ZMYND12: variants seen among roughly 807,000 people sequenced by gnomAD.
ZMYND12 encodes zinc finger MYND-type containing 12.
A neutral mutation model predicts 41.7 loss-of-function variants in ZMYND12; 32 were observed. That is an observed-to-expected ratio of 0.77 (90% CI 0.58 to 1.03). The LOEUF is 1.03. Among genes scored for constraint, ZMYND12 ranks in the 50% least tolerant of loss-of-function variants. The probability of loss-of-function intolerance (pLI) is 0.00; values close to 1 mark genes in which losing one functional copy is unlikely to be tolerated. For missense variants in ZMYND12, 424 were observed against 438.5 expected (o/e 0.97, Z 0.30); for synonymous variants, 148 against 164.8 (o/e 0.90, Z 0.78).
At chr1:42,442,151 T>C (rs1388368042) in intron 3 of ZMYND12, among the ~76,000 whole-genome samples, 6 of 151,994 alleles carry the variant, frequency 3.9e-5, no homozygotes, top group Non-Finnish European at 7.4e-5. Context: ...ACCAAGGAAC[T>C]TGATGCATGT....
At chr1:42,443,991 T>G (rs1359304803) in intron 3 of ZMYND12, among the ~76,000 whole-genome samples, 1 of 152,118 alleles carries the variant, frequency 6.6e-6, no homozygotes, top group Non-Finnish European at 1.5e-5. Flanking sequence ...GTCTCCCAAG[T>G]AGCTGGGACT....
intron 7 of ZMYND12, among the ~76,000 whole-genome samples, chr1:42,431,267 CCCTTCTTCTCTT>C (rs1289778921): frequency 6.6e-6 from 1 of 152,130 alleles, no homozygotes; most frequent in Non-Finnish European, 1.5e-5. Context: ...CTTTCTTCCT[CCCTTCTTCTCTT>C]CCTTCCTTCC....
chr1:42,442,765 T>A (rs1642984224), intron 3 of ZMYND12, among the ~76,000 whole-genome samples: 2 of 152,060 alleles, frequency 1.3e-5, no homozygotes, highest in South Asian at 2.1e-4. Flanking sequence ...TAACCCTACA[T>A]CACTGAATTA....
chr1:42,445,800 T>C (rs1570353748), intron 3 of ZMYND12, among the ~76,000 whole-genome samples: 1 of 152,100 alleles, frequency 6.6e-6, no homozygotes, highest in South Asian at 2.1e-4. Context: ...CACATTTTTG[T>C]ATGCAAACCA....
chr1:42,435,338 G>A lies in ZMYND12; in HGVS notation c.765C>T (p.Leu255=). ...CCATTTGTTGGATGTGAGCCTGTGA[G>A]AGGACTTGATAGTGATTGTTCAAAT... ...HAYLNNHYQV[L]SQAHIQQMDL... The change falls in exon 6 of 8, where the codon CTC becomes CTT. Residue 255 remains leucine, a synonymous_variant. Coordinates refer to ENST00000372565, the MANE Select transcript of ZMYND12 (RefSeq NM_032257.5). 1 of 1,614,136 alleles carries A rather than the reference G, an allele frequency of 6.2e-7. No individual in the cohort carries two copies. Among genetic ancestry groups the A allele is most frequent in the Non-Finnish European group, 8.5e-7 (1 of 1,179,984 alleles).
intron 5 of ZMYND12, 72 bp from the exon 6 acceptor site, chr1:42,435,457 G>T: frequency 8.3e-7 from 1 of 1,201,236 alleles, no homozygotes; most frequent in Non-Finnish European, 1.2e-6. Flanking sequence ...GGTGAGGAGA[G>T]TAGCGCATTT....
At chr1:42,440,541 G>T (rs189098177) in intron 3 of ZMYND12, among the ~76,000 whole-genome samples, 2 of 149,034 alleles carry the variant, frequency 1.3e-5, no homozygotes, top group Non-Finnish European at 2.9e-5. Flanking sequence ...GAGGCACTAA[G>T]AGGGAGTAAC....
Position 42,435,672 on chromosome 1 carries a change from T to C in ZMYND12, c.718-287A>G, listed in dbSNP as rs565091389. 8.2e-4 allele frequency: 216 copies of C among 263,654 alleles called. 1 individual carries two copies. The highest frequency in any genetic ancestry group is 4.7e-3 in the African/African-American group (212 of 45,050). The allele number at this position is 263,654 out of a possible 1,614,324, so 16.3% of individuals were successfully genotyped here. On this transcript the variant is annotated intron_variant, in intron 5 of 7. Transcript: ENST00000372565. ...GTATAGCACACACAACACGAAACCT[T>C]CACATCCTCACAACATCCTGATGTA... is the stretch of plus-strand genomic sequence containing the variant.
At position 42,430,755 on chromosome 1, in the gene ZMYND12, T is replaced by C; in HGVS notation, c.1079A>G (p.Glu360Gly). 6.2e-7 allele frequency: 1 copy of C among 1,614,184 alleles called. No individual in the cohort carries two copies. Among genetic ancestry groups the C allele is most frequent in the Non-Finnish European group, 8.5e-7 (1 of 1,180,008 alleles). Reference sequence around the variant, plus strand: ...GGGTCACTAAGTAATGGGATGGTCTTCAGTTGAAATGAGACTTAATAACTC... The same window carrying C: ...GGGTCACTAAGTAATGGGATGGTCTCCAGTTGAAATGAGACTTAATAACTC... ...IQELLSLIST[E>G]DHPIT The change falls in exon 8 of 8, where the codon GAA becomes GGA. Residue 360 changes from glutamate to glycine, a missense_variant. Coordinates refer to ENST00000372565, the MANE Select transcript of ZMYND12 (RefSeq NM_032257.5).
chr1:42,435,818 C>T (rs1041776660), intron 5 of ZMYND12, among the ~76,000 whole-genome samples: 5 of 152,212 alleles, frequency 3.3e-5, no homozygotes, highest in African/African-American at 9.6e-5. Context: ...CTATCTGATT[C>T]TAAAGCTTTT....
rs1643049193 is a variant in ZMYND12, at chr1:42,448,640, T to C, written c.253-2A>G. On this transcript the variant is annotated splice_acceptor_variant, in intron 2 of 7. Coordinates refer to ENST00000372565, the MANE Select transcript of ZMYND12 (RefSeq NM_032257.5). LOFTEE classifies it high-confidence loss of function. Reference sequence around the variant, plus strand: ...GTAGCAGAATTCAATCAAATACTTCTGTGGAAGAGAGAAACAGACTATCTG... The same window carrying C: ...GTAGCAGAATTCAATCAAATACTTCCGTGGAAGAGAGAAACAGACTATCTG... The C allele has an allele frequency of 6.2e-7, 1 of 1,606,184 alleles. No individual in the cohort carries two copies. Among genetic ancestry groups the C allele is most frequent in the African/African-American group, 1.3e-5 (1 of 74,702 alleles).
chr1:42,452,131 C>G (rs1413833008), intron 1 of ZMYND12, among the ~76,000 whole-genome samples: 1 of 152,124 alleles, frequency 6.6e-6, no homozygotes, highest in Admixed American at 6.5e-5. Flanking sequence ...CCTATAGCTT[C>G]CTATTATTGA....
At chr1:42,440,482 AG>A (rs1642957311) in intron 3 of ZMYND12, among the ~76,000 whole-genome samples, 2 of 152,210 alleles carry the variant, frequency 1.3e-5, no homozygotes, top group Non-Finnish European at 2.9e-5. Context: ...GCCAGGCGAC[AG>A]GGGGAGTCCA....
At chr1:42,449,891 A>C in intron 2 of ZMYND12, 27 bp downstream of exon 2, 1 of 1,606,514 alleles carries the variant, frequency 6.2e-7, no homozygotes, top group Non-Finnish European at 8.5e-7. Flanking sequence ...CCTACGACTT[A>C]ACCTTGGAAA....
chr1:42,445,215 T>C (rs946682043), intron 3 of ZMYND12, among the ~76,000 whole-genome samples: 1 of 151,482 alleles, frequency 6.6e-6, no homozygotes, highest in African/African-American at 2.4e-5. Flanking sequence ...GGTGGATCAT[T>C]TGAAGCCAGG....
intron 5 of ZMYND12, among the ~76,000 whole-genome samples, chr1:42,435,957 C>G (rs972314007): frequency 1.3e-5 from 2 of 152,166 alleles, no homozygotes; most frequent in Admixed American, 6.5e-5. Flanking sequence ...TATATGGATA[C>G]AGCTGACATT....
At chr1:42,435,425 A>T (rs1226136613) in intron 5 of ZMYND12, 40 bp from the exon 6 acceptor site, 6 of 1,508,630 alleles carry the variant, frequency 4.0e-6, no homozygotes, top group Non-Finnish European at 5.5e-6. Context: ...AGCAGGCCAG[A>T]CCTCAGCCGT....
At chr1:42,446,841 G>C (rs1008167281) in intron 3 of ZMYND12, among the ~76,000 whole-genome samples, 7 of 152,114 alleles carry the variant, frequency 4.6e-5, no homozygotes. Flanking sequence ...CACTGAAAGA[G>C]ATCAGGGCTC....
intron 7 of ZMYND12, 72 bp from the exon 8 acceptor site, chr1:42,430,930 T>C: frequency 6.3e-7 from 1 of 1,588,940 alleles, no homozygotes; most frequent in Non-Finnish European, 8.6e-7. Context: ...CCATCTGTGC[T>C]CAACTCCAGA....
Sources: gnomAD v4.1 joint callset for allele counts (sites outside exome capture counted in the v4.1 genomes callset) on GRCh38, gnomAD v4.1.1 for gene constraint, MANE v1.5 for transcripts, NCBI Gene and HGNC (gene_info 2026-07-23, HGNC 2026-07-21) for gene names.